Variants in OPRM1 observed in about 807,000 individuals in gnomAD.
The protein encoded by OPRM1 is opioid receptor mu 1.
A neutral mutation model predicts 31.8 loss-of-function variants in OPRM1; 27 were observed. That is an observed-to-expected ratio of 0.85 (90% CI 0.63 to 1.17). The LOEUF is 1.17. OPRM1 is among the 50% of genes most tolerant of loss of function. The pLI is 0.00. For synonymous variants in OPRM1, 196 were observed against 189.9 expected (o/e 1.03, Z -0.26); for missense variants, 536 against 511.1 (o/e 1.05, Z -0.47).
intron 3 of OPRM1, among the ~76,000 whole-genome samples, chr6:154,138,500 G>A (rs1017460758): frequency 3.9e-5 from 6 of 152,156 alleles, no homozygotes; most frequent in Non-Finnish European, 8.8e-5. Context: ...TCTGGGTTGA[G>A]CATATGGAAG....
At chr6:154,166,504 A>C (rs187156540) in intron 3 of OPRM1, among the ~76,000 whole-genome samples, 1 of 152,208 alleles carries the variant, frequency 6.6e-6, no homozygotes, top group Admixed American at 6.5e-5. Context: ...CTTGGTATTC[A>C]TTTCTTCCTG....
Position 154,183,838 on chromosome 6 carries a change from C to T in OPRM1, c.1165-62855C>T, listed in dbSNP as rs147388708. Among the ~76,000 whole-genome samples the T allele has an allele frequency of 6.1e-3, 934 of 151,894 alleles. 7 individuals are homozygous for T. Among genetic ancestry groups the T allele is most frequent in the Non-Finnish European group, 6.6e-3 (449 of 67,950 alleles). ...CCAGGAGGCAGAGGTTACAGTGAAC[C>T]GAGGTCATGCCACTGCACTCCAGCC... On this transcript the variant is annotated intron_variant, in intron 3 of 3. Coordinates refer to the OPRM1 transcript ENST00000337049.
At chr6:154,150,986 C>T (rs565521814) in intron 3 of OPRM1, among the ~76,000 whole-genome samples, 10 of 152,244 alleles carry the variant, frequency 6.6e-5, no homozygotes, top group Non-Finnish European at 1.5e-4. Flanking sequence ...CTTTCCCCCA[C>T]GCCTGTCAAA....
chr6:154,091,388 T>G lies in OPRM1; in HGVS notation c.1080T>G (p.Ile360Met), dbSNP rs200638619. The G allele has an allele frequency of 3.1e-6, 5 of 1,614,116 alleles. No homozygotes were observed. The highest frequency in any genetic ancestry group is 4.2e-6 in the Non-Finnish European group (5 of 1,180,026). Reference sequence around the variant, plus strand: ...TCTGTATCCCAACCTCTTCCAACATTGAGCAACAAAACTCCACTCGAATTC... The same window carrying G: ...TCTGTATCCCAACCTCTTCCAACATGGAGCAACAAAACTCCACTCGAATTC... The part of the protein sequence containing the change: ...REFCIPTSSN[I>M]EQQNSTRIRQ... Residue 360 changes from isoleucine (I) to methionine (M), a missense_variant, in exon 3 of 4, where the codon ATT (isoleucine) becomes ATG (methionine). Ile to Met is a conservative substitution (Grantham distance 10, BLOSUM62 1). Coordinates refer to ENST00000330432, the MANE Select transcript of OPRM1 (RefSeq NM_000914.5).
intron 3 of OPRM1, among the ~76,000 whole-genome samples, chr6:154,162,002 C>T (rs1311528217): frequency 1.3e-5 from 2 of 152,202 alleles, no homozygotes; most frequent in Non-Finnish European, 2.9e-5. Flanking sequence ...GATGGCCTTG[C>T]TATCTCTTTG....
chr6:154,128,115 T>C lies in OPRM1; in HGVS notation c.*9394T>C, dbSNP rs1382943837. On this transcript the variant is annotated 3_prime_UTR_variant, in exon 4 of 4. Transcript: ENST00000330432. ...ATAAATTCAGTATTACAAATAGTAA[T>C]CTGGCAAGTGTTCTCAGGATCCCCT... is the stretch of plus-strand genomic sequence containing the variant. 2.6e-5 allele frequency among the ~76,000 whole-genome samples: 4 copies of C among 152,322 alleles called. No individual in the cohort carries two copies. The highest frequency in any genetic ancestry group is 2.6e-4 in the Admixed American group (4 of 15,292).
chr6:154,241,009 G>A lies in OPRM1; in HGVS notation c.1165-5684G>A, dbSNP rs375494306. 2.6e-4 allele frequency among the ~76,000 whole-genome samples: 39 copies of A among 152,122 alleles called. No individual in the cohort carries two copies. The East Asian group carries it at 6.2e-3, about 24-fold the overall frequency. On this transcript the variant is annotated intron_variant, in intron 3 of 3. Coordinates refer to the OPRM1 transcript ENST00000337049. ...TCCCAGCACTTTGGGAGACTGAGGC[G>A]GGCAAATCATGAGGTCAAGAGATCG...
chr6:154,109,532 G>A (rs1796083360), intron 3 of OPRM1, among the ~76,000 whole-genome samples: 1 of 152,148 alleles, frequency 6.6e-6, no homozygotes, highest in African/African-American at 2.4e-5. Flanking sequence ...TAATTCAGAT[G>A]TTAAGATTTG....
chr6:154,091,972 G>A lies in OPRM1; in HGVS notation c.1164+500G>A, dbSNP rs367662640. The A allele has an allele frequency of 3.8e-5, 37 of 984,998 alleles. No homozygotes were observed. The East Asian group carries it at 7.9e-4, about 21-fold the overall frequency. The allele number at this position is 984,998 out of a possible 1,614,324, so 61.0% of individuals were successfully genotyped here. A position where few individuals can be genotyped will look rare whatever the true frequency, so the allele number is the denominator to read the frequency against. On this transcript the variant is annotated intron_variant, in intron 3 of 3. Transcript: ENST00000330432. ...ATTAGCATCATGGAAAAGGAGAAAA[G>A]ATTAAAAAATGACCATCCCTAACTT...
intron 1 of OPRM1, among the ~76,000 whole-genome samples, chr6:154,016,319 G>T (rs1583117361): frequency 6.6e-6 from 1 of 152,180 alleles, no homozygotes; most frequent in East Asian, 1.9e-4. Context: ...ACTATCACAG[G>T]AAACTATATT....
chr6:154,094,365 A>G, intron 3 of OPRM1: 1 of 496,252 alleles, frequency 2.0e-6, no homozygotes. Flanking sequence ...AAATAAGCTT[A>G]GAGTCATACT....
intron 3 of OPRM1, among the ~76,000 whole-genome samples, chr6:154,160,282 ATCT>A (rs754427289): frequency 6.6e-6 from 1 of 152,186 alleles, no homozygotes; most frequent in Non-Finnish European, 1.5e-5. Context: ...TATAGCAAAG[ATCT>A]TCTATGTTGC....
upstream of OPRM1, chr6:154,039,203 T>G (rs1779519298): frequency 6.4e-7 from 1 of 1,551,608 alleles, no homozygotes; most frequent in African/African-American, 1.4e-5. Context: ...GACCTACTCC[T>G]TGGATCGCTT....
At position 154,199,834 on chromosome 6, in the gene OPRM1, A is replaced by C. The variant is rs201458122; in HGVS notation, c.1165-46859A>C. ...TGTGGATGCCTGCCTCTGAGGGTAC[A>C]GGTGAATGAACTTGCACAGCAAACG... On this transcript the variant is annotated intron_variant, in intron 3 of 3. Transcript: ENST00000337049. 147 of 1,614,104 alleles carry C rather than the reference A, an allele frequency of 9.1e-5. No individual in the cohort carries two copies. In the Middle Eastern group the frequency reaches 1.2e-3, roughly 13 times the overall value.
intron 3 of OPRM1, among the ~76,000 whole-genome samples, chr6:154,243,029 A>C (rs1326280992): frequency 2.0e-5 from 3 of 152,154 alleles, no homozygotes; most frequent in Non-Finnish European, 4.4e-5. Flanking sequence ...GTTTGATGGA[A>C]TTGGATAGGA....
intron 1 of OPRM1, among the ~76,000 whole-genome samples, chr6:154,072,201 T>A (rs1309526908): frequency 6.6e-6 from 1 of 152,208 alleles, no homozygotes; most frequent in Non-Finnish European, 1.5e-5. Flanking sequence ...GAATGTGAGA[T>A]GATCAGGAAT....
intron 3 of OPRM1, among the ~76,000 whole-genome samples, chr6:154,094,852 G>C (rs750555304): frequency 2.6e-5 from 4 of 152,210 alleles, no homozygotes; most frequent in Non-Finnish European, 5.9e-5. Context: ...CAAAAGGATA[G>C]GTATATAGGG....
Position 154,118,879 on chromosome 6 carries a change from C to T in OPRM1, c.*158C>T, listed in dbSNP as rs558374997. ...TCCTCTCTGGCCACTCTGCTCTGCACATTAGAGGGACAGCCAAAAGTAAGT... is the reference window on the plus strand; with the variant it reads ...TCCTCTCTGGCCACTCTGCTCTGCATATTAGAGGGACAGCCAAAAGTAAGT... On this transcript the variant is annotated 3_prime_UTR_variant, in exon 4 of 4. Coordinates refer to ENST00000330432, the MANE Select transcript of OPRM1 (RefSeq NM_000914.5). 9 of 1,458,526 alleles carry T rather than the reference C, an allele frequency of 6.2e-6. No homozygotes were observed. The highest frequency in any genetic ancestry group is 4.2e-5 in the African/African-American group (3 of 70,826). 90.3% of individuals were successfully genotyped at this position (1,458,526 alleles called of 1,614,324 possible).
intron 1 of OPRM1, among the ~76,000 whole-genome samples, chr6:154,056,261 C>T (rs1783264561): frequency 6.6e-6 from 1 of 151,918 alleles, no homozygotes; most frequent in Non-Finnish European, 1.5e-5. Context: ...GTAGCTGGGA[C>T]TACAGGTGCT....
Sources: allele counts gnomAD v4.1 joint callset (sites outside exome capture counted in the v4.1 genomes callset), GRCh38; gene constraint gnomAD v4.1.1; transcripts MANE v1.5; gene names NCBI Gene and HGNC (gene_info 2026-07-23, HGNC 2026-07-21).